Variants in LONP2 observed in about 807,000 individuals in gnomAD.
LONP2 encodes lon protease homolog 2, peroxisomal.
A neutral mutation model predicts 85.6 loss-of-function variants in LONP2; 60 were observed. That is an observed-to-expected ratio of 0.70 (90% confidence interval 0.57 to 0.87). The LOEUF (loss-of-function observed/expected upper bound fraction) is 0.87. Among genes scored for constraint, LONP2 ranks in the 40% least tolerant of loss-of-function variants. LONP2 has a pLI of 0.00. For missense variants in LONP2, 860 were observed against 1,063.5 expected, an observed-to-expected ratio of 0.81 and a Z score of 2.66; for synonymous variants, 395 against 389.7, an observed-to-expected ratio of 1.01 and a Z score of -0.16.
At chr16:48,246,825 T>G (rs1190747004) in intron 1 of LONP2, among the ~76,000 whole-genome samples, 2 of 152,118 alleles carry the variant, frequency 1.3e-5, no homozygotes, top group African/African-American at 4.8e-5. Context: ...TCCCCTGCTT[T>G]GGCCTCTGGA....
intron 9 of LONP2, among the ~76,000 whole-genome samples, 187 bp downstream of exon 9, chr16:48,296,352 T>C (rs1481424209): frequency 2.0e-5 from 3 of 152,210 alleles, no homozygotes; most frequent in Non-Finnish European, 2.9e-5. Flanking sequence ...ACAGCAAACG[T>C]TGACAACAAC....
rs548979890 is a variant in LONP2 at position 48,356,557 on chromosome 16, T to C, written c.*4755T>C. ...AAGACTACAGTTAGTCATTATCCAATTTGATGATTTATGGTCCAACACTAA... is the reference window on the plus strand; with the variant it reads ...AAGACTACAGTTAGTCATTATCCAACTTGATGATTTATGGTCCAACACTAA... On this transcript the variant is annotated 3_prime_UTR_variant, in exon 15 of 15. Transcript: ENST00000285737. 1 of 163,608 alleles carries C rather than the reference T, an allele frequency of 6.1e-6. No individual in the cohort carries two copies. Among genetic ancestry groups the C allele is most frequent in the South Asian group, 1.4e-4 (1 of 7,080 alleles). 10.1% of individuals were successfully genotyped at this position (163,608 alleles called of 1,614,324 possible).
At chr16:48,331,567 T>C (rs1375239283) in intron 11 of LONP2, among the ~76,000 whole-genome samples, 2 of 139,464 alleles carry the variant, frequency 1.4e-5, no homozygotes, top group Non-Finnish European at 3.1e-5. Context: ...AAGGATTTTC[T>C]TTTTTTTTTT....
At chr16:48,334,634 C>A in intron 12 of LONP2, 1 of 621,102 alleles carries the variant, frequency 1.6e-6, no homozygotes, top group Non-Finnish European at 3.0e-6. Flanking sequence ...AATGCCACCT[C>A]ACAGGCACAG....
At chr16:48,265,490 A>G (rs1294435916) in intron 6 of LONP2, among the ~76,000 whole-genome samples, 1 of 152,038 alleles carries the variant, frequency 6.6e-6, no homozygotes, top group Admixed American at 6.5e-5. Context: ...TCCCTATTGT[A>G]TATTCTTGGT....
intron 11 of LONP2, among the ~76,000 whole-genome samples, chr16:48,327,888 TTC>T (rs1234772879): frequency 1.3e-5 from 2 of 152,232 alleles, no homozygotes; most frequent in African/African-American, 2.4e-5. Flanking sequence ...TTGTATCTTT[TTC>T]TTTTTTTCTT....
At chr16:48,254,459 G>A (rs940389146) in intron 2 of LONP2, among the ~76,000 whole-genome samples, 5 of 151,650 alleles carry the variant, frequency 3.3e-5, no homozygotes, top group Admixed American at 3.3e-4. Flanking sequence ...CGCCTCCCGG[G>A]TTCAAGCGAT....
intron 11 of LONP2, among the ~76,000 whole-genome samples, chr16:48,313,823 A>T (rs566429983): frequency 2.6e-4 from 40 of 152,206 alleles, no homozygotes; most frequent in Middle Eastern, 3.2e-3. Context: ...CTATATACCC[A>T]GTAGTGGGAT....
Position 48,286,816 on chromosome 16 carries a change from T to C in LONP2, c.1384-9199T>C, listed in dbSNP as rs374710483. On this transcript the variant is annotated intron_variant, in intron 8 of 14. Coordinates refer to ENST00000285737, the MANE Select transcript of LONP2 (RefSeq NM_031490.5). Reference sequence around the variant, plus strand: ...CCAGCTGACTTCTCTTTTTTTTTTTTACTCTTTAGGGCCGTACTTTTGTAT... The same window carrying C: ...CCAGCTGACTTCTCTTTTTTTTTTTCACTCTTTAGGGCCGTACTTTTGTAT... 2.2e-4 allele frequency among the ~76,000 whole-genome samples: 33 copies of C among 152,170 alleles called. No homozygotes were observed. The East Asian group carries it at 3.5e-3, about 16-fold the overall frequency.
rs1453154147 is a variant in LONP2 at position 48,353,598 on chromosome 16, C to T, written c.*1796C>T. On this transcript the variant is annotated 3_prime_UTR_variant, in exon 15 of 15. Coordinates refer to ENST00000285737, the MANE Select transcript of LONP2 (RefSeq NM_031490.5). ...AATGCATTGAGAGGAAAAGTCCAGACCTAGGACTAGTTATGGCAGTTGGAG... is the reference window on the plus strand; with the variant it reads ...AATGCATTGAGAGGAAAAGTCCAGATCTAGGACTAGTTATGGCAGTTGGAG... 2 of 151,836 alleles carry T rather than the reference C, an allele frequency of 1.3e-5. No homozygotes were observed. Among genetic ancestry groups the T allele is most frequent in the Non-Finnish European group, 2.9e-5 (2 of 68,024 alleles). The allele number at this position is 151,836 out of a possible 1,614,324, so 9.4% of individuals were successfully genotyped here.
intron 6 of LONP2, among the ~76,000 whole-genome samples, chr16:48,264,681 G>A (rs1567313626): frequency 1.3e-5 from 2 of 152,194 alleles, no homozygotes; most frequent in Admixed American, 1.3e-4. Flanking sequence ...AGTATTGATT[G>A]AGGAAGTGAT....
chr16:48,246,155 A>T (rs921846471), intron 1 of LONP2, among the ~76,000 whole-genome samples: 1 of 152,150 alleles, frequency 6.6e-6, no homozygotes, highest in Non-Finnish European at 1.5e-5. Flanking sequence ...ACAAAGACCA[A>T]CAAACCTTCC....
intron 11 of LONP2, among the ~76,000 whole-genome samples, 189 bp from the exon 12 acceptor site, chr16:48,334,027 G>C (rs1596994227): frequency 1.3e-5 from 2 of 152,214 alleles, no homozygotes; most frequent in African/African-American, 4.8e-5. Context: ...ACCACCCTCG[G>C]TGAGCTCTTG....
rs2150949540 is a variant in LONP2, at chr16:48,244,347, T to G, written c.-42T>G. Reference sequence around the variant, plus strand: ...GGGGCAGGCCGGGGGCAGCTGTCTGTCTGGCTCTTTTTGACAGCCCCCAGT... The same window carrying G: ...GGGGCAGGCCGGGGGCAGCTGTCTGGCTGGCTCTTTTTGACAGCCCCCAGT... On this transcript the variant is annotated 5_prime_UTR_variant, in exon 1 of 15. Coordinates refer to ENST00000285737, the MANE Select transcript of LONP2 (RefSeq NM_031490.5). The G allele has an allele frequency of 1.4e-6, 2 of 1,430,488 alleles. No individual in the cohort carries two copies. The highest frequency in any genetic ancestry group is 2.7e-5 in the South Asian group (2 of 74,604). The allele number at this position is 1,430,488 out of a possible 1,614,324, so 88.6% of individuals were successfully genotyped here.
chr16:48,362,224 G>A (rs1403139120), downstream of LONP2: 1 of 1,614,112 alleles, frequency 6.2e-7, no homozygotes, highest in Non-Finnish European at 8.5e-7. This position sits in a 1 kb window ranked among gnomAD's most constrained non-coding sequence, Gnocchi z 4.2. Context: ...CAACATGTGA[G>A]CTTTGGGCGA....
intron 11 of LONP2, among the ~76,000 whole-genome samples, chr16:48,304,053 A>G (rs777684879): frequency 3.9e-5 from 6 of 152,224 alleles, no homozygotes; most frequent in South Asian, 2.1e-4. Flanking sequence ...GCATCCTTCA[A>G]TCCAAAGTTG....
At position 48,348,144 on chromosome 16, in the gene LONP2, C is replaced by T; in HGVS notation, c.2191C>T (p.His731Tyr). 1 of 1,611,602 alleles carries T rather than the reference C, an allele frequency of 6.2e-7. No homozygotes were observed. The highest frequency in any genetic ancestry group is 8.5e-7 in the Non-Finnish European group (1 of 1,179,496). ...DLLDNTDIHLHFPAGAVTKDG... is the reference protein window; with the variant it reads ...DLLDNTDIHLYFPAGAVTKDG... ...TCTTGACAACACAGACATCCATCTGCACTTCCCAGCTGGAGCTGTCACAAA... is the reference window on the plus strand; with the variant it reads ...TCTTGACAACACAGACATCCATCTGTACTTCCCAGCTGGAGCTGTCACAAA... Residue 731 changes from histidine (H) to tyrosine (Y), a missense_variant, in exon 14 of 15, where the codon CAC (histidine) becomes TAC (tyrosine). By Grantham distance (83) the His-to-Tyr change is moderately conservative (BLOSUM62 2). Transcript: ENST00000285737.
intron 9 of LONP2, among the ~76,000 whole-genome samples, chr16:48,296,607 G>T (rs1972677062): frequency 6.6e-6 from 1 of 151,600 alleles, no homozygotes; most frequent in South Asian, 2.1e-4. Context: ...GGCGCCTGTA[G>T]TCCCACCTAC....
At chr16:48,332,211 T>TG (rs1015272155) in intron 11 of LONP2, among the ~76,000 whole-genome samples, 6 of 152,226 alleles carry the variant, frequency 3.9e-5, no homozygotes, top group African/African-American at 1.4e-4. Flanking sequence ...AAACATACTC[T>TG]GTAATCACTT....
Sources: allele counts gnomAD v4.1 joint callset (sites outside exome capture counted in the v4.1 genomes callset), GRCh38; gene constraint gnomAD v4.1.1; non-coding constraint Gnocchi (gnomAD v3.1); transcripts MANE v1.5; gene names NCBI Gene and HGNC (gene_info 2026-07-23, HGNC 2026-07-21).